Variants in CNTN3 observed in about 807,000 individuals in gnomAD.
CNTN3 encodes the protein contactin 3.
Under a neutral mutation model 119.1 loss-of-function variants are expected in CNTN3, and 60 were observed. The observed-to-expected ratio is 0.50, with a 90% CI of 0.41 to 0.62. The LOEUF is 0.62. CNTN3 is among the 20% of genes least tolerant of loss of function. The probability of loss-of-function intolerance (pLI) is 0.00; values close to 1 mark genes in which losing one functional copy is unlikely to be tolerated. For missense variants in CNTN3, 1,101 were observed against 1,242.4 expected (o/e 0.89, Z 1.71); for synonymous variants, 450 against 438.7 (o/e 1.03, Z -0.32).
At chr3:74,462,277 CTG>C (rs1702384550) in intron 4 of CNTN3, among the ~76,000 whole-genome samples, 1 of 152,062 alleles carries the variant, frequency 6.6e-6, no homozygotes, top group African/African-American at 2.4e-5. Context: ...TTATAAATTA[CTG>C]TCTCAGGTAT....
At chr3:74,303,417 G>T (rs375017153) in intron 13 of CNTN3, among the ~76,000 whole-genome samples, 7 of 152,298 alleles carry the variant, frequency 4.6e-5, no homozygotes, top group African/African-American at 1.4e-4. Context: ...AGCTAGCCGG[G>T]CACGGTGGCT....
intron 2 of CNTN3, among the ~76,000 whole-genome samples, chr3:74,505,517 A>ACG (rs1703241204): frequency 1.3e-5 from 2 of 149,312 alleles, no homozygotes; most frequent in East Asian, 4.2e-4. Context: ...ACACACACAC[A>ACG]CACACACCAC....
intron 2 of CNTN3, among the ~76,000 whole-genome samples, chr3:74,515,742 C>T (rs1326640825): frequency 1.3e-5 from 2 of 152,020 alleles, no homozygotes; most frequent in Non-Finnish European, 2.9e-5. Flanking sequence ...TCAATGAACC[C>T]TCAAGTTTTG....
intron 5 of CNTN3, among the ~76,000 whole-genome samples, chr3:74,401,512 G>A (rs958391685): frequency 5.3e-5 from 8 of 149,798 alleles, no homozygotes; most frequent in African/African-American, 2.0e-4. Flanking sequence ...ACACACGCGC[G>A]CACGCACACA....
Position 74,321,167 on chromosome 3 carries a change from T to A in CNTN3, c.1668+13568A>T, listed in dbSNP as rs554532089. Among the ~76,000 whole-genome samples the A allele has an allele frequency of 9.9e-5, 15 of 152,254 alleles. No homozygotes were observed. The East Asian group carries it at 2.9e-3, about 29-fold the overall frequency. On this transcript the variant is annotated intron_variant, in intron 13 of 22. Coordinates refer to ENST00000263665, the MANE Select transcript of CNTN3 (RefSeq NM_020872.3). ...GACTGGGGGCACAAGAATTGAAGAC[T>A]ATTGGGTACTATGCTCAGTACCTGG...
At chr3:74,352,317 C>A (rs1180026581) in intron 11 of CNTN3, among the ~76,000 whole-genome samples, 1 of 152,188 alleles carries the variant, frequency 6.6e-6, no homozygotes, top group Non-Finnish European at 1.5e-5. Flanking sequence ...AAGGCTGAGA[C>A]AGCATTTCTT....
chr3:74,269,332 T>C (rs751646076), intron 20 of CNTN3, among the ~76,000 whole-genome samples: 3 of 152,126 alleles, frequency 2.0e-5, no homozygotes, highest in Non-Finnish European at 4.4e-5. Context: ...ATTTTTATAA[T>C]GTTCGCGAAC....
At chr3:74,468,587 A>C (rs748797035) in intron 4 of CNTN3, among the ~76,000 whole-genome samples, 5 of 152,206 alleles carry the variant, frequency 3.3e-5, no homozygotes, top group Non-Finnish European at 5.9e-5. Context: ...TATCTGAATT[A>C]ACAGATTATT....
intron 13 of CNTN3, among the ~76,000 whole-genome samples, chr3:74,326,725 T>A (rs56004393): frequency 6.6e-6 from 1 of 152,164 alleles, no homozygotes. Context: ...TTGATACTAT[T>A]GGGTTTTGAG....
chr3:74,358,806 T>C (rs531402396), intron 11 of CNTN3, among the ~76,000 whole-genome samples: 203 of 130,302 alleles, frequency 1.6e-3, no homozygotes, highest in African/African-American at 5.7e-3. Flanking sequence ...TTCCCCTTTC[T>C]GTGTCCATGT....
chr3:74,274,785 T>C (rs1399966040), intron 20 of CNTN3, among the ~76,000 whole-genome samples: 1 of 151,944 alleles, frequency 6.6e-6, no homozygotes, highest in Non-Finnish European at 1.5e-5. Context: ...TCACCAGCAA[T>C]GGATCCAAAC....
chr3:74,508,866 A>C (rs1575794456), intron 2 of CNTN3, among the ~76,000 whole-genome samples: 1 of 152,292 alleles, frequency 6.6e-6, no homozygotes, highest in East Asian at 1.9e-4. Flanking sequence ...CAACTGCAAG[A>C]TATTTCTTTC....
chr3:74,367,185 T>C lies in CNTN3; in HGVS notation c.947-1483A>G, dbSNP rs542101989. ...GCATGGCCTCTACTTAATATATTGA[T>C]GTTAAATAGAAATTGTAAGGCAACT... On this transcript the variant is annotated intron_variant, in intron 8 of 22. Coordinates refer to ENST00000263665, the MANE Select transcript of CNTN3 (RefSeq NM_020872.3). Among the ~76,000 whole-genome samples, 16 of 152,148 alleles carry C rather than the reference T, an allele frequency of 1.1e-4. No individual in the cohort carries two copies. In the South Asian group the frequency reaches 3.3e-3, roughly 32 times the overall value.
In CNTN3 at chr3:74,416,785, C is replaced by T. The variant is rs183364599; in HGVS notation, c.454+8060G>A. 1.1e-3 allele frequency among the ~76,000 whole-genome samples: 168 copies of T among 152,030 alleles called. 1 individual carries two copies. Among genetic ancestry groups the T allele is most frequent in the South Asian group, 3.5e-3 (17 of 4,806 alleles). On this transcript the variant is annotated intron_variant, in intron 5 of 22. Coordinates refer to ENST00000263665, the MANE Select transcript of CNTN3 (RefSeq NM_020872.3). The stretch of plus-strand genomic sequence containing the variant: ...GTTGGATCACTTGAGGTCAGGAGAT[C>T]GAGAACAGGCTGGTCAACATGGCAA...
intron 13 of CNTN3, among the ~76,000 whole-genome samples, chr3:74,313,066 T>G (rs1292900703): frequency 1.3e-5 from 2 of 149,906 alleles, no homozygotes; most frequent in African/African-American, 2.4e-5. Flanking sequence ...GGCTTATTAA[T>G]AGACTGGGCA....
intron 1 of CNTN3, among the ~76,000 whole-genome samples, chr3:74,581,855 A>G (rs915515158): frequency 5.9e-5 from 9 of 152,184 alleles, no homozygotes; most frequent in African/African-American, 2.2e-4. Flanking sequence ...GCACGGGGGA[A>G]GTCTTGTTAA....
intron 13 of CNTN3, among the ~76,000 whole-genome samples, chr3:74,305,388 T>A (rs553877285): frequency 8.1e-4 from 123 of 152,264 alleles, no homozygotes; most frequent in African/African-American, 2.9e-3. Context: ...TTATGACCCA[T>A]CAATTCCATT....
chr3:74,528,560 T>A (rs2107132339), intron 1 of CNTN3, among the ~76,000 whole-genome samples: 1 of 151,960 alleles, frequency 6.6e-6, no homozygotes, highest in Middle Eastern at 3.4e-3. Flanking sequence ...GATCTTTCTG[T>A]TATCACCCCC....
intron 5 of CNTN3, among the ~76,000 whole-genome samples, chr3:74,373,177 A>T (rs1325544649): frequency 6.6e-6 from 1 of 152,242 alleles, no homozygotes. Context: ...CATTATGGTT[A>T]TTCTCAGGCC....
Sources: allele counts gnomAD v4.1 joint callset (sites outside exome capture counted in the v4.1 genomes callset), GRCh38; gene constraint gnomAD v4.1.1; transcripts MANE v1.5; gene names NCBI Gene and HGNC (gene_info 2026-07-23, HGNC 2026-07-21).